TTC7B: variants seen among roughly 807,000 people sequenced by gnomAD.
TTC7B encodes tetratricopeptide repeat domain 7B.
Under a neutral mutation model 106.8 loss-of-function variants are expected in TTC7B, and 28 were observed. That is an observed-to-expected ratio of 0.26 (90% CI 0.19 to 0.36). The LOEUF (loss-of-function observed/expected upper bound fraction) is 0.36. Ranked by LOEUF, TTC7B falls within the 10% of genes least tolerant of loss-of-function variation. The probability of loss-of-function intolerance (pLI) is 1.00; values close to 1 mark genes in which losing one functional copy is unlikely to be tolerated. For synonymous variants in TTC7B, 405 were observed against 430.6 expected, an observed-to-expected ratio of 0.94 and a Z score of 0.74; for missense variants, 862 against 1,076.4, an observed-to-expected ratio of 0.80 and a Z score of 2.79.
Position 90,800,927 on chromosome 14 carries a change from T to A in TTC7B, c.122-14599A>T, listed in dbSNP as rs1415581378. 2.0e-5 allele frequency among the ~76,000 whole-genome samples: 3 copies of A among 152,278 alleles called. No individual in the cohort carries two copies. The East Asian group carries it at 5.8e-4, about 29-fold the overall frequency. The stretch of plus-strand genomic sequence containing the variant: ...GCAGCCAGGCACGATGGCTCACACC[T>A]ATAATCCCAGAACTTTGGGAGGCTG... On this transcript the variant is annotated intron_variant, in intron 1 of 19. Transcript: ENST00000328459.
intron 6 of TTC7B, among the ~76,000 whole-genome samples, chr14:90,695,194 T>TAAAA (rs1344580640): frequency 1.4e-4 from 1 of 7,344 alleles, no homozygotes. Context: ...TATATACATT[T>TAAAA]TAGTATAAAA....
In TTC7B at chr14:90,570,727, G is replaced by A. The variant is rs898476478; in HGVS notation, c.2310+7379C>T. Among the ~76,000 whole-genome samples the A allele has an allele frequency of 2.0e-5, 3 of 152,306 alleles. No homozygotes were observed. The highest frequency in any genetic ancestry group is 2.9e-5 in the Non-Finnish European group (2 of 68,026). On this transcript the variant is annotated intron_variant, in intron 19 of 19. Coordinates refer to ENST00000328459, the MANE Select transcript of TTC7B (RefSeq NM_001010854.2). The surrounding 1 kb of genome is among the most constrained non-coding windows in gnomAD (Gnocchi z 4.0). The stretch of plus-strand genomic sequence containing the variant: ...GCAAAGGATCTCCCAGCCCAGGCGC[G>A]ACCTGGATTACAGAGAATGACAGCG...
At chr14:90,665,927 A>G (rs903786527) in intron 9 of TTC7B, among the ~76,000 whole-genome samples, 2 of 152,244 alleles carry the variant, frequency 1.3e-5, no homozygotes, top group African/African-American at 4.8e-5. Flanking sequence ...ACTTTTAGCA[A>G]TAAAAACCTC....
intron 1 of TTC7B, among the ~76,000 whole-genome samples, chr14:90,811,061 C>T (rs1475677229): frequency 3.3e-5 from 5 of 152,180 alleles, no homozygotes; most frequent in Non-Finnish European, 7.3e-5. Flanking sequence ...CCCCACTGTG[C>T]ACAGCCACAA....
intron 1 of TTC7B, among the ~76,000 whole-genome samples, chr14:90,788,100 G>T (rs1489540676): frequency 3.3e-5 from 5 of 152,086 alleles, no homozygotes; most frequent in Non-Finnish European, 5.9e-5. Context: ...AGGAGTGGAA[G>T]TTGCAGTGAG....
intron 7 of TTC7B, among the ~76,000 whole-genome samples, chr14:90,683,206 G>A (rs1184783617): frequency 6.6e-6 from 1 of 152,188 alleles, no homozygotes; most frequent in Non-Finnish European, 1.5e-5. Context: ...CTATTTAGGT[G>A]CAGGGAGGGC....
chr14:90,614,050 C>G (rs763025070), intron 16 of TTC7B, among the ~76,000 whole-genome samples: 1 of 152,196 alleles, frequency 6.6e-6, no homozygotes, highest in Non-Finnish European at 1.5e-5. Context: ...AGCCTCTTCC[C>G]AGCTCCTGGA....
At position 90,578,283 on chromosome 14, in the gene TTC7B, C is replaced by A. The variant is rs751234910; in HGVS notation, c.2133G>T (p.Lys711Asn). The A allele has an allele frequency of 1.4e-5, 22 of 1,614,034 alleles. No homozygotes were observed. Among genetic ancestry groups the A allele is most frequent in the Non-Finnish European group, 5.9e-6 (7 of 1,180,036 alleles). The change falls in exon 19 of 20, where the codon AAG becomes AAT. Residue 711 changes from lysine to asparagine, a missense_variant. Physicochemically the swap from Lys to Asn is moderately conservative, Grantham distance 94. Transcript: ENST00000328459. This position sits in a 1 kb window ranked among gnomAD's most constrained non-coding sequence, Gnocchi z 4.7. ...HAAEVYIGIG[K>N]PAEATACTQE... Reference sequence around the variant, plus strand: ...GGGTACAGGCTGTGGCTTCTGCAGGCTTCCCGATGCCGATATAGACTTCAG... The same window carrying A: ...GGGTACAGGCTGTGGCTTCTGCAGGATTCCCGATGCCGATATAGACTTCAG...
intron 17 of TTC7B, among the ~76,000 whole-genome samples, chr14:90,607,387 G>A (rs901307147): frequency 2.6e-5 from 4 of 152,168 alleles, no homozygotes; most frequent in African/African-American, 9.7e-5. Flanking sequence ...TCGGACGCCT[G>A]TGCCCTTTAA....
intron 3 of TTC7B, among the ~76,000 whole-genome samples, chr14:90,751,294 C>A (rs893067918): frequency 6.6e-6 from 1 of 152,202 alleles, no homozygotes; most frequent in African/African-American, 2.4e-5. Context: ...ATTTAAAGAA[C>A]AATGAATTGC....
rs1303940994 is a variant in TTC7B at position 90,816,197 on chromosome 14, C to T, written c.99G>A (p.Leu33=). The change falls in exon 1 of 20, where the codon CTG becomes CTA. Residue 33 remains leucine, a synonymous_variant. Coordinates refer to ENST00000328459, the MANE Select transcript of TTC7B (RefSeq NM_001010854.2). ...TACCGTTGGCGATGAGCTTGGCCGA[C>T]AGCTGCTTGACGAGCTCAGGGATCC... ...WERIPELVKQ[L]SAKLIANDDM... is the part of the protein sequence containing the mutation. 2 of 1,267,990 alleles carry T rather than the reference C, an allele frequency of 1.6e-6. No individual in the cohort carries two copies. The highest frequency in any genetic ancestry group is 1.6e-5 in the African/African-American group (1 of 62,720). 78.5% of individuals were successfully genotyped at this position (1,267,990 alleles called of 1,614,324 possible). A position where few individuals can be genotyped will look rare whatever the true frequency, so the allele number is the denominator to read the frequency against.
intron 7 of TTC7B, 54 bp from the exon 8 acceptor site, chr14:90,680,589 T>C (rs1325497166): frequency 7.4e-7 from 1 of 1,350,470 alleles, no homozygotes; most frequent in Admixed American, 1.7e-5. Flanking sequence ...AATATACAAA[T>C]ACAAGCAGAA....
rs185256080 is a variant in TTC7B, at chr14:90,757,381, C to A, written c.446-12459G>T. On this transcript the variant is annotated intron_variant, in intron 3 of 19. Transcript: ENST00000328459. This position sits in a 1 kb window ranked among gnomAD's most constrained non-coding sequence, Gnocchi z 4.1. ...ATCATTTGAGCCCAGGAGTTTGGGG[C>A]TGCAGGGAGCTATGATCGCACTACT... Among the ~76,000 whole-genome samples, 2 of 152,226 alleles carry A rather than the reference C, an allele frequency of 1.3e-5. No homozygotes were observed. Among genetic ancestry groups the A allele is most frequent in the African/African-American group, 4.8e-5 (2 of 41,522 alleles).
intron 5 of TTC7B, among the ~76,000 whole-genome samples, chr14:90,718,111 C>T (rs1248571807): frequency 6.6e-6 from 1 of 152,260 alleles, no homozygotes; most frequent in Non-Finnish European, 1.5e-5. Context: ...TGTCCAGCTG[C>T]ACCCCATGAG....
At chr14:90,661,475 C>A (rs1014517428) in intron 9 of TTC7B, among the ~76,000 whole-genome samples, 8 of 152,044 alleles carry the variant, frequency 5.3e-5, no homozygotes, top group African/African-American at 1.9e-4. Context: ...TAGGGGAGGA[C>A]AAGTGTGATG....
In TTC7B at chr14:90,552,806, A is replaced by T. The variant is rs564638510; in HGVS notation, c.2311-11217T>A. On this transcript the variant is annotated intron_variant, in intron 19 of 19. Coordinates refer to ENST00000328459, the MANE Select transcript of TTC7B (RefSeq NM_001010854.2). ...TTTTCCCTTGGGCCTGGGGTCGAAC[A>T]CGGAAGGCAAATCTCCTCCAGTCCC... Among the ~76,000 whole-genome samples, 3 of 152,262 alleles carry T rather than the reference A, an allele frequency of 2.0e-5. No homozygotes were observed. The East Asian group carries it at 5.8e-4, about 29-fold the overall frequency.
intron 19 of TTC7B, among the ~76,000 whole-genome samples, chr14:90,572,935 C>T (rs1286489): frequency 0.11 from 16,249 of 152,120 alleles, 962 homozygotes; most frequent in East Asian, 0.22. Flanking sequence ...GGGCCAACTG[C>T]CTCAGCCCAA....
Position 90,786,251 on chromosome 14 carries a change from T to TG in TTC7B, c.198dup (p.Ser67GlnfsTer11), listed in dbSNP as rs778447122. On this transcript the variant is annotated frameshift_variant, in exon 2 of 20. Coordinates refer to ENST00000328459, the MANE Select transcript of TTC7B (RefSeq NM_001010854.2). LOFTEE classifies it high-confidence loss of function. ...AGCTGGGGCTTGGGGCCTCGGGGACTGGCCCCCTGCCTCAGGGGGTGTTCC... is the reference window on the plus strand; with the variant it reads ...AGCTGGGGCTTGGGGCCTCGGGGACTGGGCCCCCTGCCTCAGGGGGTGTTCC... The TG allele has an allele frequency of 6.2e-7, 1 of 1,611,526 alleles. No homozygotes were observed. The highest frequency in any genetic ancestry group is 1.1e-5 in the South Asian group (1 of 90,836).
At chr14:90,557,094 C>T (rs953645595) in intron 19 of TTC7B, among the ~76,000 whole-genome samples, 2 of 151,864 alleles carry the variant, frequency 1.3e-5, no homozygotes, top group African/African-American at 4.8e-5. Context: ...AACTCTGACC[C>T]CACTCTTTCC....
Sources: allele counts gnomAD v4.1 joint callset (sites outside exome capture counted in the v4.1 genomes callset), GRCh38; gene constraint gnomAD v4.1.1; non-coding constraint Gnocchi (gnomAD v3.1); transcripts MANE v1.5; gene names NCBI Gene and HGNC (gene_info 2026-07-23, HGNC 2026-07-21).